The following DYNC2I1 variants were observed in gnomAD, a reference collection of about 807,000 sequenced individuals.
The protein encoded by DYNC2I1 is cytoplasmic dynein 2 intermediate chain 1.
Under a neutral mutation model 133.4 loss-of-function variants are expected in DYNC2I1, and 89 were observed. That is an observed-to-expected ratio of 0.67 (90% CI 0.56 to 0.80). DYNC2I1 has a LOEUF of 0.80. Among genes scored for constraint, DYNC2I1 ranks in the 30% least tolerant of loss-of-function variants. DYNC2I1 has a pLI of 0.00. For missense variants in DYNC2I1, 1,291 were observed against 1,314.5 expected (o/e 0.98, Z 0.28); for synonymous variants, 504 against 484.3 (o/e 1.04, Z -0.54).
intron 5 of DYNC2I1, 112 bp from the exon 6 acceptor site, chr7:158,884,452 C>A: frequency 2.3e-6 from 2 of 857,340 alleles, no homozygotes; most frequent in African/African-American, 1.7e-5. Context: ...TTGTGATGTA[C>A]ATGCTGTTGT....
At chr7:158,934,719 C>T (rs1396984372) in intron 23 of DYNC2I1, among the ~76,000 whole-genome samples, 170 bp downstream of exon 23, 1 of 152,092 alleles carries the variant, frequency 6.6e-6, no homozygotes, top group African/African-American at 2.4e-5. Flanking sequence ...TAGCTGGGAC[C>T]TGTACAGGTG....
chr7:158,941,979 C>A lies in DYNC2I1; in HGVS notation c.2833C>A (p.Leu945Ile), dbSNP rs755690958. ...GCACCAGCTGAGCTCCGCGTTTCCG[C>A]TCCTGCAGTGGGACAGCAGCACGGA... Reference protein sequence around the residue: ...RLHQLSSAFPLLQWDSSTDSH... With the variant: ...RLHQLSSAFPILQWDSSTDSH... Residue 945 changes from leucine (L) to isoleucine (I), a missense_variant, in exon 24 of 25, where the codon CTC becomes ATC. By Grantham distance (5) the Leu-to-Ile change is conservative. Transcript: ENST00000407559. The A allele has an allele frequency of 1.9e-6, 3 of 1,613,158 alleles. No individual in the cohort carries two copies. In the South Asian group the frequency reaches 3.3e-5, roughly 18 times the overall value.
At chr7:158,851,088 G>A in the DYNC2I1 span, among the ~76,000 whole-genome samples, 2 of 151,990 alleles carry the variant, frequency 1.3e-5, no homozygotes, top group Admixed American at 6.6e-5. Flanking sequence ...TGGGTTTTGT[G>A]AGCAAATTTA....
At chr7:158,939,927 A>T (rs1364978819) in intron 23 of DYNC2I1, among the ~76,000 whole-genome samples, 1 of 152,236 alleles carries the variant, frequency 6.6e-6, no homozygotes, top group African/African-American at 2.4e-5. Flanking sequence ...ACAGGGGTCA[A>T]TTCAGCAAGA....
At chr7:158,892,911 C>G (rs921138124) in intron 8 of DYNC2I1, among the ~76,000 whole-genome samples, 4 of 146,936 alleles carry the variant, frequency 2.7e-5, no homozygotes, top group African/African-American at 7.6e-5. Context: ...GTACTCTGGC[C>G]TGGGCAACAA....
At chr7:158,856,084 G>A (rs1398399448), upstream of DYNC2I1, among the ~76,000 whole-genome samples, 2 of 151,612 alleles carry the variant, frequency 1.3e-5, no homozygotes, top group Non-Finnish European at 2.9e-5. Context: ...TGGGACTACA[G>A]GCGCCTGCTA....
chr7:158,934,419 G>GTCTCATAAGCCA lies in DYNC2I1; in HGVS notation c.2650_2661dup (p.Leu884_His887dup), dbSNP rs1219030949. 1.2e-6 allele frequency: 2 copies of GTCTCATAAGCCA among 1,604,412 alleles called. No homozygotes were observed. The highest frequency in any genetic ancestry group is 2.7e-5 in the African/African-American group (2 of 74,738). ...CACTCTTGGGCTTCTTCTTCACAGGGTCTCATAAGCCATGGCACAAGACAA... is the reference window on the plus strand; with the variant it reads ...CACTCTTGGGCTTCTTCTTCACAGGGTCTCATAAGCCATCTCATAAGCCATGGCACAAGACAA... On this transcript the variant is annotated inframe_insertion and splice_region_variant, in exon 23 of 25. Coordinates refer to ENST00000407559, the MANE Select transcript of DYNC2I1 (RefSeq NM_018051.5).
intron 14 of DYNC2I1, among the ~76,000 whole-genome samples, chr7:158,917,772 C>CT (rs1848621919): frequency 6.6e-6 from 1 of 152,176 alleles, no homozygotes; most frequent in East Asian, 1.9e-4. Context: ...CCCATCCTGT[C>CT]ATTTCTCACT....
At chr7:158,948,031 C>T (rs1434912532), downstream of DYNC2I1, among the ~76,000 whole-genome samples, 1 of 152,226 alleles carries the variant, frequency 6.6e-6, no homozygotes, top group African/African-American at 2.4e-5. Flanking sequence ...GCCTCACCCC[C>T]AGGGAGGAGC....
rs181254210 is a variant in DYNC2I1 at position 158,872,549 on chromosome 7, T to C, written c.490+987T>C. ...ACTCAGTAGGCTGAGGCAGGGGAATTGCTTGAACCAGGGAGGTGGAGGTTA... is the reference window on the plus strand; with the variant it reads ...ACTCAGTAGGCTGAGGCAGGGGAATCGCTTGAACCAGGGAGGTGGAGGTTA... On this transcript the variant is annotated intron_variant, in intron 3 of 24. Coordinates refer to ENST00000407559, the MANE Select transcript of DYNC2I1 (RefSeq NM_018051.5). Among the ~76,000 whole-genome samples, 73 of 152,024 alleles carry C rather than the reference T, an allele frequency of 4.8e-4. No individual in the cohort carries two copies. The East Asian group carries it at 0.013, about 28-fold the overall frequency.
chr7:158,934,356 A>G (rs1459517988), intron 22 of DYNC2I1, 62 bp from the exon 23 acceptor site: 4 of 1,566,896 alleles, frequency 2.6e-6, no homozygotes, highest in Non-Finnish European at 3.4e-6. Context: ...GAGGAACAGT[A>G]GCTGTATCCA....
rs187706146 is a variant in DYNC2I1, at chr7:158,895,276, C to T, written c.1059+3943C>T. On this transcript the variant is annotated intron_variant, in intron 8 of 24. Transcript: ENST00000407559. The stretch of plus-strand genomic sequence containing the variant: ...GCTATTTCCTAAGAGTTTATGGTTT[C>T]GCATTTTACACTTAGGTCTGTGATC... 3.0e-4 allele frequency among the ~76,000 whole-genome samples: 45 copies of T among 152,254 alleles called. 1 individual carries two copies. Among genetic ancestry groups the T allele is most frequent in the Admixed American group, 2.5e-3 (38 of 15,292 alleles).
At chr7:158,855,301 T>G (rs1841159289), upstream of DYNC2I1, among the ~76,000 whole-genome samples, 3 of 152,176 alleles carry the variant, frequency 2.0e-5, no homozygotes, top group Non-Finnish European at 4.4e-5. Flanking sequence ...CAAAGCGGTC[T>G]TCTTGCCCTT....
At position 158,864,712 on chromosome 7, in the gene DYNC2I1, C is replaced by T. The variant is rs566474311; in HGVS notation, c.16-5143C>T. 2.6e-5 allele frequency among the ~76,000 whole-genome samples: 4 copies of T among 151,994 alleles called. No homozygotes were observed. The South Asian group carries it at 8.3e-4, about 32-fold the overall frequency. ...ATGGAGATGGGGTCTTGCTGTGTTG[C>T]CCTGGCTGGTCTTGAACTCCTGGGC... On this transcript the variant is annotated intron_variant, in intron 1 of 24. Transcript: ENST00000407559.
chr7:158,843,029 A>C, the DYNC2I1 span, among the ~76,000 whole-genome samples: 2 of 152,238 alleles, frequency 1.3e-5, no homozygotes, highest in African/African-American at 4.8e-5. Flanking sequence ...ACTGGAGCAA[A>C]TGCAGATTAC....
chr7:158,854,494 T>C (rs906387647), upstream of DYNC2I1, among the ~76,000 whole-genome samples: 2 of 122,128 alleles, frequency 1.6e-5, no homozygotes, highest in Non-Finnish European at 3.4e-5. Flanking sequence ...CACGTGGGGG[T>C]CTGTCGGGGG....
chr7:158,934,265 C>A (rs1158286953), intron 22 of DYNC2I1, 37 bp downstream of exon 22: 2 of 1,569,504 alleles, frequency 1.3e-6, no homozygotes, highest in Non-Finnish European at 1.7e-6. Flanking sequence ...ATTACTCATT[C>A]TCCTTGTTTT....
downstream of DYNC2I1, among the ~76,000 whole-genome samples, chr7:158,950,075 C>A (rs924448105): frequency 6.6e-6 from 1 of 151,440 alleles, no homozygotes; most frequent in South Asian, 2.1e-4. Context: ...CCAGCCAAGT[C>A]GAGCGTTTTT....
At chr7:158,951,458 A>G (rs1387398413) in intron 4 of DYNC2I1, among the ~76,000 whole-genome samples, 4 of 152,232 alleles carry the variant, frequency 2.6e-5, no homozygotes, top group African/African-American at 9.6e-5. Flanking sequence ...GTCCCCAGCC[A>G]GGCCTGGAGG....
Sources: gnomAD v4.1 joint callset for allele counts (sites outside exome capture counted in the v4.1 genomes callset) on GRCh38, gnomAD v4.1.1 for gene constraint, MANE v1.5 for transcripts, NCBI Gene and HGNC (gene_info 2026-07-23, HGNC 2026-07-21) for gene names.